Variants in ABCA12 observed in about 807,000 individuals in gnomAD.
The protein encoded by ABCA12 is glucosylceramide transporter ABCA12.
ABCA12 carries 156 observed loss-of-function variants against 293.5 expected under a neutral mutation model. That is an observed-to-expected ratio of 0.53 (90% confidence interval 0.47 to 0.61). The LOEUF is 0.61. ABCA12 is among the 20% of genes least tolerant of loss of function. The probability of loss-of-function intolerance (pLI) is 0.00; values close to 1 mark genes in which losing one functional copy is unlikely to be tolerated. For synonymous variants in ABCA12, 1,063 were observed against 1,108.0 expected (o/e 0.96, Z 0.81); for missense variants, 2,797 against 3,090.2 (o/e 0.91, Z 2.25).
In ABCA12 at chr2:214,983,593, A is replaced by T. The variant is rs927569828; in HGVS notation, c.4382+54T>A. 2.1e-5 allele frequency: 31 copies of T among 1,467,878 alleles called. No individual in the cohort carries two copies. In the African/African-American group the frequency reaches 4.2e-4, roughly 20 times the overall value. 90.9% of individuals were successfully genotyped at this position (1,467,878 alleles called of 1,614,324 possible). The stretch of plus-strand genomic sequence containing the variant: ...TTACCAGAACTTTACCAACCAAGCT[A>T]TGGGTCTTTGAGAGGAGTTAGCAAC... On this transcript the variant is annotated intron_variant, in intron 29 of 52. Coordinates refer to ENST00000272895, the MANE Select transcript of ABCA12 (RefSeq NM_173076.3).
At chr2:215,018,592 T>A (rs999979770) in intron 13 of ABCA12, among the ~76,000 whole-genome samples, 23 of 152,206 alleles carry the variant, frequency 1.5e-4, no homozygotes, top group African/African-American at 5.1e-4. Flanking sequence ...ACAGTCACAC[T>A]ACAGTTATAA....
In ABCA12 at chr2:214,948,723, A is replaced by G. The variant is rs1439334105; in HGVS notation, c.6977T>C (p.Val2326Ala). Reference sequence around the variant, plus strand: ...GCCAACTAATGAGCTGTGAGAATCAACGTGACCCAGAGATCTGAATTGAGA... The same window carrying G: ...GCCAACTAATGAGCTGTGAGAATCAGCGTGACCCAGAGATCTGAATTGAGA... ...IRNKTGSLGHVDSHSSLVGYC... is the reference protein window; with the variant it reads ...IRNKTGSLGHADSHSSLVGYC... The change falls in exon 47 of 53, where the codon GTT (valine) becomes GCT (alanine). Residue 2326 changes from valine to alanine, a missense_variant. This residue lies in a region of ABCA12 where 2,130 missense variants were observed against 2,427.0 expected (regional missense o/e 0.88). Transcript: ENST00000272895. 4 of 1,613,998 alleles carry G rather than the reference A, an allele frequency of 2.5e-6. No individual in the cohort carries two copies. The highest frequency in any genetic ancestry group is 2.7e-5 in the African/African-American group (2 of 74,918).
At chr2:215,118,816 A>G (rs1275725167) in intron 1 of ABCA12, among the ~76,000 whole-genome samples, 2 of 152,094 alleles carry the variant, frequency 1.3e-5, no homozygotes, top group Non-Finnish European at 2.9e-5. Flanking sequence ...ATCTTTTGAG[A>G]AGTGTCTGTT....
At chr2:215,078,248 A>C (rs1447861054) in intron 2 of ABCA12, among the ~76,000 whole-genome samples, 1 of 152,240 alleles carries the variant, frequency 6.6e-6, no homozygotes, top group Non-Finnish European at 1.5e-5. Flanking sequence ...TTTTAAAAAC[A>C]ATAGCCAGGG....
intron 39 of ABCA12, 95 bp from the exon 40 acceptor site, chr2:214,959,173 T>C: frequency 9.1e-7 from 1 of 1,102,632 alleles, no homozygotes; most frequent in Non-Finnish European, 1.4e-6. Context: ...CCTCCTTATA[T>C]TATTATCTAA....
chr2:214,988,582 A>G (rs1182362416), intron 26 of ABCA12, among the ~76,000 whole-genome samples: 1 of 152,236 alleles, frequency 6.6e-6, no homozygotes, highest in Non-Finnish European at 1.5e-5. Flanking sequence ...CATGTTAGAA[A>G]GGATGACTGC....
intron 45 of ABCA12, among the ~76,000 whole-genome samples, chr2:214,950,041 A>C (rs1698706413): frequency 6.6e-6 from 1 of 152,124 alleles, no homozygotes; most frequent in Admixed American, 6.6e-5. Flanking sequence ...ATTCAGGGGG[A>C]AAAAATCATC....
chr2:215,087,290 T>C (rs1702060504), intron 2 of ABCA12, among the ~76,000 whole-genome samples: 1 of 152,142 alleles, frequency 6.6e-6, no homozygotes, highest in African/African-American at 2.4e-5. Context: ...CAATCATGAA[T>C]GTCCAAACTG....
intron 33 of ABCA12, among the ~76,000 whole-genome samples, chr2:214,976,681 T>C (rs188150979): frequency 6.6e-6 from 1 of 152,112 alleles, no homozygotes; most frequent in East Asian, 1.9e-4. Flanking sequence ...CAAAACTCCA[T>C]TTTTGCCACT....
intron 4 of ABCA12, among the ~76,000 whole-genome samples, chr2:215,052,948 T>C (rs1701350027): frequency 6.6e-6 from 1 of 152,126 alleles, no homozygotes; most frequent in Non-Finnish European, 1.5e-5. Context: ...CACAGATCCA[T>C]CATATCCAAC....
chr2:215,017,640 C>CT (rs1220749816), intron 14 of ABCA12: 1,585 of 156,426 alleles, frequency 0.01, 18 homozygotes, highest in South Asian at 0.04. Context: ...GAATATAATT[C>CT]TTTTTTTTTT....
At chr2:215,090,028 C>T (rs540384329) in intron 2 of ABCA12, among the ~76,000 whole-genome samples, 25 of 152,228 alleles carry the variant, frequency 1.6e-4, no homozygotes, top group African/African-American at 4.6e-4. Flanking sequence ...ATGGCCGGTT[C>T]CTGCCTTAAC....
chr2:215,103,286 T>TG (rs1702396437), intron 2 of ABCA12, among the ~76,000 whole-genome samples: 8 of 149,426 alleles, frequency 5.4e-5, no homozygotes, highest in Non-Finnish European at 4.4e-5. Flanking sequence ...TTTTTTTTTT[T>TG]GAGACAGAGT....
intron 2 of ABCA12, among the ~76,000 whole-genome samples, chr2:215,074,378 C>G (rs1029488314): frequency 1.3e-5 from 2 of 152,222 alleles, no homozygotes; most frequent in African/African-American, 4.8e-5. Context: ...AGTCCCTCAG[C>G]AAAACCTATC....
intron 35 of ABCA12, 94 bp downstream of exon 35, chr2:214,974,684 C>T (rs561175245): frequency 2.8e-4 from 338 of 1,205,932 alleles, no homozygotes; most frequent in Non-Finnish European, 3.6e-4. Flanking sequence ...CAGCTTTCTT[C>T]CAGGCAAATA....
chr2:214,978,409 AG>A lies in ABCA12; in HGVS notation c.5034del (p.Leu1679Ter). 6.2e-7 allele frequency: 1 copy of A among 1,614,008 alleles called. No homozygotes were observed. Among genetic ancestry groups the A allele is most frequent in the South Asian group, 1.1e-5 (1 of 91,074 alleles). ...SQKNSAMSLE[H>X]LTQKKIGNSN... is the part of the protein sequence containing the mutation. ...GAATTCCCAATTTTCTTTTGTGTTA[AG>A]TGCTCAAGACTCATAGCACTATTTT... On this transcript the variant is annotated frameshift_variant, in exon 33 of 53. Coordinates refer to ENST00000272895, the MANE Select transcript of ABCA12 (RefSeq NM_173076.3). LOFTEE classifies it high-confidence loss of function.
chr2:214,986,455 T>C (rs1699788573), intron 28 of ABCA12, 87 bp downstream of exon 28: 1 of 1,256,496 alleles, frequency 8.0e-7, no homozygotes. Flanking sequence ...ACTTTATGTT[T>C]TATAAACATA....
intron 2 of ABCA12, among the ~76,000 whole-genome samples, chr2:215,072,081 A>T (rs1321608772): frequency 6.6e-6 from 1 of 152,182 alleles, no homozygotes; most frequent in East Asian, 1.9e-4. Context: ...CTGAGGCAAG[A>T]TGCCTAATCC....
intron 27 of ABCA12, 117 bp downstream of exon 27, chr2:214,987,530 C>A: frequency 7.6e-7 from 1 of 1,317,600 alleles, no homozygotes; most frequent in Non-Finnish European, 1.0e-6. Flanking sequence ...ACATTTTCAT[C>A]CATGACTAAA....
Sources: allele counts gnomAD v4.1 joint callset (sites outside exome capture counted in the v4.1 genomes callset), GRCh38; gene constraint gnomAD v4.1.1; regional missense constraint gnomAD v4.1.1; transcripts MANE v1.5; gene names NCBI Gene and HGNC (gene_info 2026-07-23, HGNC 2026-07-21).